Variants in FBF1 observed in about 807,000 individuals in gnomAD.
FBF1 encodes the protein fas-binding factor 1.
Under a neutral mutation model 147.2 loss-of-function variants are expected in FBF1, and 119 were observed. That is an observed-to-expected ratio of 0.81 (90% CI 0.70 to 0.94). The LOEUF is 0.94. Among genes scored for constraint, FBF1 ranks in the 40% least tolerant of loss-of-function variants. The pLI is 0.00. For synonymous variants in FBF1, 601 were observed against 609.0 expected, an observed-to-expected ratio of 0.99 and a Z score of 0.19; for missense variants, 1,449 against 1,500.8, an observed-to-expected ratio of 0.97 and a Z score of 0.57.
In FBF1 at chr17:75,928,224, T is replaced by C; in HGVS notation, c.280-31A>G. 6.3e-7 allele frequency: 1 copy of C among 1,588,520 alleles called. No homozygotes were observed. Among genetic ancestry groups the C allele is most frequent in the Non-Finnish European group, 8.6e-7 (1 of 1,157,090 alleles). Reference sequence around the variant, plus strand: ...AAACCAGGGAGGGAGGGCAGAGGACTATGTCTGATAAGGGGCTGAGGACTT... The same window carrying C: ...AAACCAGGGAGGGAGGGCAGAGGACCATGTCTGATAAGGGGCTGAGGACTT... On this transcript the variant is annotated intron_variant, in intron 7 of 29. Transcript: ENST00000636174. The surrounding 1 kb of genome is among the most constrained non-coding windows in gnomAD (Gnocchi z 4.2).
Position 75,914,730 on chromosome 17 carries a change from G to T in FBF1, c.2814+17C>A. 1 of 1,539,494 alleles carries T rather than the reference G, an allele frequency of 6.5e-7. No individual in the cohort carries two copies. Among genetic ancestry groups the T allele is most frequent in the South Asian group, 1.2e-5 (1 of 82,400 alleles). On this transcript the variant is annotated intron_variant, in intron 25 of 29. Coordinates refer to ENST00000636174, the MANE Select transcript of FBF1 (RefSeq NM_001319193.2). ...GCAACCCTGGGCCCTCCACTGTCCG[G>T]AGGCTCTGGGCCCTACCTTGGCCAG...
chr17:75,932,357 AGAGT>A (rs2144190702), intron 5 of FBF1, among the ~76,000 whole-genome samples: 1 of 152,322 alleles, frequency 6.6e-6, no homozygotes, highest in Admixed American at 6.5e-5. Context: ...CCTGGGTGAC[AGAGT>A]GAGACTCCAT....
Position 75,913,856 on chromosome 17 carries a change from G to A in FBF1, c.3130-37C>T, listed in dbSNP as rs761803043. The A allele has an allele frequency of 1.3e-5, 20 of 1,573,038 alleles. No individual in the cohort carries two copies. In the African/African-American group the frequency reaches 1.5e-4, roughly 12 times the overall value. ...CCCCCAGAAAGAAGGACTCAGCTGTGAGGTGGGAGGCTGGGGGTGCCGGGG... is the reference window on the plus strand; with the variant it reads ...CCCCCAGAAAGAAGGACTCAGCTGTAAGGTGGGAGGCTGGGGGTGCCGGGG... On this transcript the variant is annotated intron_variant, in intron 27 of 29. Transcript: ENST00000636174.
In FBF1 at chr17:75,919,869, C is replaced by T. The variant is rs371761849; in HGVS notation, c.1937G>A (p.Arg646His). 3 of 1,613,694 alleles carry T rather than the reference C, an allele frequency of 1.9e-6. No individual in the cohort carries two copies. Among genetic ancestry groups the T allele is most frequent in the East Asian group, 2.2e-5 (1 of 44,878 alleles). Residue 646 changes from arginine (R) to histidine (H), a missense_variant, in exon 20 of 30, where the codon CGC (arginine) becomes CAC (histidine). Physicochemically the swap from Arg to His is conservative, Grantham distance 29. Transcript: ENST00000636174. The surrounding 1 kb of genome is among the most constrained non-coding windows in gnomAD (Gnocchi z 5.0). ...LELIESAHRS[R>H]IKVLETSYQQ... ...GTACGATGTTTCTAGCACCTTGATG[C>T]GGCTTCTGCCAACAGAACACCCAGC...
intron 16 of FBF1, 36 bp downstream of exon 16, chr17:75,921,436 T>C: frequency 1.3e-6 from 2 of 1,593,634 alleles, no homozygotes; most frequent in South Asian, 2.3e-5. Context: ...CACCCAGGGT[T>C]AAACTCCCAA....
intron 10 of FBF1, 94 bp downstream of exon 10, chr17:75,926,664 G>A: frequency 6.6e-7 from 1 of 1,522,652 alleles, no homozygotes; most frequent in Non-Finnish European, 8.9e-7. Flanking sequence ...GTCCCCACCT[G>A]GGAGAGGCCT....
Position 75,917,927 on chromosome 17 carries a change from G to A in FBF1, c.2386+4C>T, listed in dbSNP as rs376982962. 2.2e-5 allele frequency: 35 copies of A among 1,594,880 alleles called. No homozygotes were observed. The highest frequency in any genetic ancestry group is 6.7e-5 in the African/African-American group (5 of 74,644). ...GCCGGGGTGGCTGAGAGGGGAGGGCGTACCCCGCAGCTGCTCGTCACGCTG... is the reference window on the plus strand; with the variant it reads ...GCCGGGGTGGCTGAGAGGGGAGGGCATACCCCGCAGCTGCTCGTCACGCTG... On this transcript the variant is annotated splice_donor_region_variant and intron_variant, in intron 22 of 29. Transcript: ENST00000636174.
rs1401615161 is a variant in FBF1, at chr17:75,915,136, G to A, written c.2509C>T (p.Arg837Cys). ...GACTGCTCGGCAGTCACCCGCCAGC[G>A]TTCCTGTAGGGCCCAGGGCAGGACT... ...NEQSRLLEQE[R>C]WRVTAEQSKA... Residue 837 changes from arginine (R) to cysteine (C), a missense_variant, in exon 24 of 30, where the codon CGC becomes TGC. Coordinates refer to ENST00000636174, the MANE Select transcript of FBF1 (RefSeq NM_001319193.2). 1.9e-6 allele frequency: 3 copies of A among 1,608,964 alleles called. No individual in the cohort carries two copies. The highest frequency in any genetic ancestry group is 1.7e-5 in the Admixed American group (1 of 59,818).
chr17:75,937,879 C>G, intron 2 of FBF1: 1 of 627,294 alleles, frequency 1.6e-6, no homozygotes. Context: ...GTCATGTGAC[C>G]GGAAATGTCT....
In FBF1 at chr17:75,938,176, C is replaced by CACCCCT. The variant is rs2065637032; in HGVS notation, c.-28_-27insAGGGGT. 3.7e-6 allele frequency: 6 copies of CACCCCT among 1,613,664 alleles called. No individual in the cohort carries two copies. The South Asian group carries it at 5.5e-5, about 15-fold the overall frequency. On this transcript the variant is annotated 5_prime_UTR_variant, in exon 2 of 30. Coordinates refer to ENST00000636174, the MANE Select transcript of FBF1 (RefSeq NM_001319193.2). ...TCACGGCTCTCGGGGGTGCTCTCAG[C>CACCCCT]TCCTTCACAGCACTGGCCAGCTCAT...
intron 7 of FBF1, among the ~76,000 whole-genome samples, chr17:75,929,023 T>C (rs755924751): frequency 6.7e-6 from 1 of 150,034 alleles, no homozygotes; most frequent in Non-Finnish European, 1.5e-5. Context: ...AGTCTCACTC[T>C]GTCACCACCC....
intron 2 of FBF1, 50 bp from the exon 3 acceptor site, chr17:75,937,643 G>C (rs759390985): frequency 1.2e-6 from 2 of 1,604,680 alleles, no homozygotes; most frequent in Admixed American, 3.3e-5. Flanking sequence ...AGTGAACACA[G>C]GTGGAAATTG....
At chr17:75,917,900 G>C in intron 22 of FBF1, 31 bp downstream of exon 22, 6 of 1,587,602 alleles carry the variant, frequency 3.8e-6, no homozygotes, top group Non-Finnish European at 5.1e-6. Flanking sequence ...TTCCCACCAG[G>C]AGCCGGGGTG....
Position 75,923,097 on chromosome 17 carries a change from C to A in FBF1, c.1424+89G>T. ...CCCTGCCTTGTTCCCCAACTGCTGA[C>A]TGAGGCTGCAACAGGTGAAGGGGCA... On this transcript the variant is annotated intron_variant, in intron 14 of 29. Transcript: ENST00000636174. The surrounding 1 kb of genome is among the most constrained non-coding windows in gnomAD (Gnocchi z 4.1). 1 of 1,313,248 alleles carries A rather than the reference C, an allele frequency of 7.6e-7. No individual in the cohort carries two copies. The highest frequency in any genetic ancestry group is 1.0e-6 in the Non-Finnish European group (1 of 970,976). The allele number at this position is 1,313,248 out of a possible 1,614,324, so 81.3% of individuals were successfully genotyped here.
At position 75,919,782 on chromosome 17, in the gene FBF1, T is replaced by C; in HGVS notation, c.2024A>G (p.Gln675Arg). Reference sequence around the variant, plus strand: ...ACGGGCCTGTTCGGCCTCCTGGCACTGCGACAGATACCGAGCTGACAGCTC... The same window carrying C: ...ACGGGCCTGTTCGGCCTCCTGGCACCGCGACAGATACCGAGCTGACAGCTC... ...NEELSARYLS[Q>R]CQEAEQARAE... Residue 675 changes from glutamine (Q) to arginine (R), a missense_variant, in exon 20 of 30, where the codon CAG becomes CGG. Gln to Arg is a conservative substitution (Grantham distance 43). Transcript: ENST00000636174. This position sits in a 1 kb window ranked among gnomAD's most constrained non-coding sequence, Gnocchi z 5.0. 2 of 1,613,730 alleles carry C rather than the reference T, an allele frequency of 1.2e-6. No homozygotes were observed. The highest frequency in any genetic ancestry group is 1.7e-6 in the Non-Finnish European group (2 of 1,179,868).
Position 75,919,785 on chromosome 17 carries a change from G to T in FBF1, c.2021C>A (p.Ser674Ter). ...ENEELSARYL[S>*]QCQEAEQARA... Reference sequence around the variant, plus strand: ...GGCCTGTTCGGCCTCCTGGCACTGCGACAGATACCGAGCTGACAGCTCTTC... The same window carrying T: ...GGCCTGTTCGGCCTCCTGGCACTGCTACAGATACCGAGCTGACAGCTCTTC... Residue 674 changes from serine (S) to a stop codon, truncating the protein, a stop_gained, in exon 20 of 30, where the codon TCG (serine) becomes TAG (stop). Transcript: ENST00000636174. LOFTEE classifies it high-confidence loss of function. The surrounding 1 kb of genome is among the most constrained non-coding windows in gnomAD (Gnocchi z 5.0). 2 of 1,613,672 alleles carry T rather than the reference G, an allele frequency of 1.2e-6. No individual in the cohort carries two copies.
intron 3 of FBF1, 53 bp from the exon 4 acceptor site, chr17:75,935,726 T>A: frequency 1.3e-6 from 2 of 1,506,376 alleles, no homozygotes; most frequent in Non-Finnish European, 1.8e-6. Context: ...GAGTGGCCCT[T>A]ATAAACATCA....
intron 4 of FBF1, among the ~76,000 whole-genome samples, chr17:75,935,314 G>A (rs1003415530): frequency 9.2e-5 from 14 of 152,014 alleles, no homozygotes; most frequent in African/African-American, 2.4e-4. Context: ...ACAGGCGCCC[G>A]CCACTATGCC....
chr17:75,931,713 G>T (rs548581459), intron 5 of FBF1, among the ~76,000 whole-genome samples: 3 of 151,968 alleles, frequency 2.0e-5, no homozygotes, highest in African/African-American at 7.3e-5. Flanking sequence ...GAACCGGGAG[G>T]TGGAGGCTGC....
Sources: allele counts gnomAD v4.1 joint callset (sites outside exome capture counted in the v4.1 genomes callset), GRCh38; gene constraint gnomAD v4.1.1; non-coding constraint Gnocchi (gnomAD v3.1); transcripts MANE v1.5; gene names NCBI Gene and HGNC (gene_info 2026-07-23, HGNC 2026-07-21).